PPFIA4: variants seen among roughly 807,000 people sequenced by gnomAD.
PPFIA4 encodes the protein liprin-alpha-4.
Under a neutral mutation model 145.7 loss-of-function variants are expected in PPFIA4, and 98 were observed. The observed-to-expected ratio is 0.67, with a 90% CI of 0.57 to 0.80. PPFIA4 has a LOEUF of 0.80. Ranked by LOEUF, PPFIA4 falls within the 30% of genes least tolerant of loss-of-function variation. PPFIA4 has a pLI of 0.00. For synonymous variants in PPFIA4, 628 were observed against 649.6 expected, an observed-to-expected ratio of 0.97 and a Z score of 0.51; for missense variants, 1,457 against 1,632.7, an observed-to-expected ratio of 0.89 and a Z score of 1.85.
chr1:203,065,211 G>A (rs1430806442), intron 25 of PPFIA4, among the ~76,000 whole-genome samples: 1 of 152,200 alleles, frequency 6.6e-6, no homozygotes. Context: ...CAAGTCCAGT[G>A]CTCTTGGCAC....
Position 203,056,153 on chromosome 1 carries a change from C to T in PPFIA4, c.2104C>T (p.Leu702=). The T allele has an allele frequency of 6.2e-7, 1 of 1,613,964 alleles. No individual in the cohort carries two copies. Among genetic ancestry groups the T allele is most frequent in the Non-Finnish European group, 8.5e-7 (1 of 1,179,866 alleles). Residue 702 remains leucine, a splice_region_variant and synonymous_variant, in exon 17 of 30, where the codon CTG becomes TTG. Coordinates refer to ENST00000295706, the MANE Select transcript of PPFIA4 (RefSeq NM_001304331.2). ...CTTAAGAAAGCATAGGAGGAAGCTG[C>T]TGGTGAGTGCTGCCTGATGGCCCAG... ...SDLRKHRRKL[L]SPVSREENRE... is the part of the protein sequence containing the mutation.
At chr1:203,027,587 A>G (rs753646364) in intron 1 of PPFIA4, among the ~76,000 whole-genome samples, 19 of 152,140 alleles carry the variant, frequency 1.2e-4, no homozygotes, top group Non-Finnish European at 1.5e-4. Flanking sequence ...GTGTGAGCTT[A>G]AGGGTCCCCT....
intron 28 of PPFIA4, 48 bp downstream of exon 28, chr1:203,071,808 C>T (rs577438959): frequency 4.2e-5 from 63 of 1,489,556 alleles, no homozygotes; most frequent in Non-Finnish European, 5.4e-5. Flanking sequence ...TGGTCATCTT[C>T]GTTGGATTGA....
At chr1:203,072,826 A>C (rs1340091534) in intron 28 of PPFIA4, among the ~76,000 whole-genome samples, 1 of 152,188 alleles carries the variant, frequency 6.6e-6, no homozygotes, top group South Asian at 2.1e-4. Context: ...GGAGAAAAGA[A>C]TAGACTTATA....
chr1:203,028,318 TG>T (rs1658567622), intron 1 of PPFIA4, among the ~76,000 whole-genome samples: 1 of 152,122 alleles, frequency 6.6e-6, no homozygotes, highest in Non-Finnish European at 1.5e-5. Context: ...GCCAGGCTCC[TG>T]GGTCTCATCT....
At chr1:203,035,638 C>T (rs759917560) in intron 1 of PPFIA4, 4 of 456,750 alleles carry the variant, frequency 8.8e-6, no homozygotes, top group South Asian at 6.2e-5. Flanking sequence ...TGAATCAGGA[C>T]CTGTGAGTGT....
intron 14 of PPFIA4, among the ~76,000 whole-genome samples, chr1:203,053,050 A>G (rs1476968216): frequency 6.6e-6 from 1 of 152,242 alleles, no homozygotes; most frequent in Non-Finnish European, 1.5e-5. Context: ...ACAGCTATCT[A>G]TGAGGTAAGT....
At chr1:203,063,005 G>A (rs2102677860) in intron 24 of PPFIA4, 1 of 152,244 alleles carries the variant, frequency 6.6e-6, no homozygotes, top group East Asian at 1.9e-4. Context: ...CTTCATAATG[G>A]GCACATTACA....
chr1:203,059,683 G>A (rs1661224990), intron 20 of PPFIA4, 87 bp from the exon 21 acceptor site: 1 of 1,140,098 alleles, frequency 8.8e-7, no homozygotes, highest in Non-Finnish European at 1.3e-6. Context: ...TGGGTCTCCA[G>A]CTCTTGCACA....
At chr1:203,050,522 C>T (rs12130133) in intron 13 of PPFIA4, among the ~76,000 whole-genome samples, 13,572 of 152,182 alleles carry the variant, frequency 0.089, 737 homozygotes, top group East Asian at 0.2. Flanking sequence ...GATCAGAACC[C>T]TTGCCGTTCC....
intron 25 of PPFIA4, among the ~76,000 whole-genome samples, chr1:203,066,715 A>T (rs1380940128): frequency 2.0e-5 from 3 of 152,228 alleles, no homozygotes; most frequent in Non-Finnish European, 1.5e-5. Flanking sequence ...TGGCTTAGTT[A>T]CTGAATGCTT....
At chr1:203,059,034 A>T in intron 19 of PPFIA4, 144 bp from the exon 20 acceptor site, 1 of 653,320 alleles carries the variant, frequency 1.5e-6, no homozygotes. Context: ...GACACTGAGC[A>T]GAAGCTCCAG....
intron 13 of PPFIA4, 117 bp downstream of exon 13, chr1:203,049,884 G>T: frequency 1.1e-6 from 1 of 894,984 alleles, no homozygotes; most frequent in East Asian, 3.2e-5. Flanking sequence ...CCTGTTCAGG[G>T]TGGGACACTG....
At position 203,053,908 on chromosome 1, in the gene PPFIA4, G is replaced by C. The variant is rs1254243165; in HGVS notation, c.1776G>C (p.Gln592His). 1.3e-6 allele frequency: 2 copies of C among 1,567,214 alleles called. No homozygotes were observed. Among genetic ancestry groups the C allele is most frequent in the African/African-American group, 2.7e-5 (2 of 73,914 alleles). ...VVSPSGHSDA[Q>H]TLAMMLQEQL... ...CCCCCAGCGGCCACTCAGATGCCCA[G>C]ACCCTGGCCATGATGCTGCAGGAGC... The change falls in exon 15 of 30, where the codon CAG becomes CAC. Residue 592 changes from glutamine to histidine, a missense_variant. This residue lies in a region of PPFIA4 where 848 missense variants were observed against 1,046.7 expected (regional missense o/e 0.81). Coordinates refer to ENST00000295706, the MANE Select transcript of PPFIA4 (RefSeq NM_001304331.2).
At chr1:203,054,346 C>G (rs1172837070) in intron 15 of PPFIA4, among the ~76,000 whole-genome samples, 1 of 152,100 alleles carries the variant, frequency 6.6e-6, no homozygotes, top group Non-Finnish European at 1.5e-5. Flanking sequence ...CAGCATGATC[C>G]CTGTTTTACA....
chr1:203,038,942 TG>T lies in PPFIA4; in HGVS notation c.-65del. 2 of 839,660 alleles carry T rather than the reference TG, an allele frequency of 2.4e-6. No individual in the cohort carries two copies. Among genetic ancestry groups the T allele is most frequent in the Non-Finnish European group, 3.8e-6 (2 of 530,208 alleles). The allele number at this position is 839,660 out of a possible 1,614,324, so 52.0% of individuals were successfully genotyped here. ...CTGAGACCCATGCACTGGGTTCCCCTGGAGGTGCCAACCCTGTGAGTCCCTC... is the reference window on the plus strand; with the variant it reads ...CTGAGACCCATGCACTGGGTTCCCCTGAGGTGCCAACCCTGTGAGTCCCTC... On this transcript the variant is annotated 5_prime_UTR_variant, in exon 2 of 30. An upstream open reading frame in the 5' UTR loses its in-frame stop. Coordinates refer to ENST00000295706, the MANE Select transcript of PPFIA4 (RefSeq NM_001304331.2).
At position 203,048,969 on chromosome 1, in the gene PPFIA4, C is replaced by T. The variant is rs759699523; in HGVS notation, c.1408C>T (p.His470Tyr). ...ESSQRQIEEQ[H>Y]HHKGRLSEEI... ...CTCCCAGCGGCAGATTGAGGAGCAG[C>T]ACCACCACAAGGTACCCGGCTGCGG... Residue 470 changes from histidine to tyrosine, a missense_variant, in exon 12 of 30, where the codon CAC becomes TAC. Coordinates refer to ENST00000295706, the MANE Select transcript of PPFIA4 (RefSeq NM_001304331.2). The surrounding 1 kb of genome is among the most constrained non-coding windows in gnomAD (Gnocchi z 5.8). The T allele has an allele frequency of 2.0e-5, 31 of 1,548,344 alleles. No individual in the cohort carries two copies. Among genetic ancestry groups the T allele is most frequent in the Non-Finnish European group, 2.6e-5 (30 of 1,146,818 alleles).
intron 24 of PPFIA4, among the ~76,000 whole-genome samples, chr1:203,062,372 C>T (rs570217340): frequency 7.5e-5 from 11 of 145,734 alleles, no homozygotes; most frequent in East Asian, 2.1e-4. Flanking sequence ...CCCAGCTACT[C>T]GTGAGGCTGA....
In PPFIA4 at chr1:203,075,323, A is replaced by G. The variant is rs1349477863; in HGVS notation, c.3394-254A>G. Among the ~76,000 whole-genome samples, 1 of 152,092 alleles carries G rather than the reference A, an allele frequency of 6.6e-6. No individual in the cohort carries two copies. The highest frequency in any genetic ancestry group is 1.5e-5 in the Non-Finnish European group (1 of 68,014). On this transcript the variant is annotated intron_variant, in intron 28 of 29. Coordinates refer to ENST00000295706, the MANE Select transcript of PPFIA4 (RefSeq NM_001304331.2). The surrounding 1 kb of genome is among the most constrained non-coding windows in gnomAD (Gnocchi z 4.1). ...TCAACTGCAGGATGGCAGACCCAACAAGACTCTCCCCCGCCCCACACACCC... is the reference window on the plus strand; with the variant it reads ...TCAACTGCAGGATGGCAGACCCAACGAGACTCTCCCCCGCCCCACACACCC...
Sources: gnomAD v4.1 joint callset for allele counts (sites outside exome capture counted in the v4.1 genomes callset) on GRCh38, gnomAD v4.1.1 for gene constraint, gnomAD v4.1.1 regional missense constraint, Gnocchi (gnomAD v3.1) non-coding constraint, MANE v1.5 for transcripts, NCBI Gene and HGNC (gene_info 2026-07-23, HGNC 2026-07-21) for gene names.